The following BOD1L1 variants were observed in gnomAD, a reference collection of about 807,000 sequenced individuals.
BOD1L1 encodes biorientation of chromosomes in cell division protein 1-like 1.
Under a neutral mutation model 240.7 loss-of-function variants are expected in BOD1L1, and 86 were observed. The ratio of observed to expected loss-of-function variants is 0.36; its 90% CI spans 0.30 to 0.43. The LOEUF is 0.43. Ranked by LOEUF, BOD1L1 falls within the 20% of genes least tolerant of loss-of-function variation. BOD1L1 has a pLI of 1.00. For synonymous variants in BOD1L1, 1,268 were observed against 1,272.3 expected (o/e 1.00, Z 0.07); for missense variants, 3,554 against 3,643.5 (o/e 0.98, Z 0.63).
rs182037459 is a variant in BOD1L1 at position 13,574,956 on chromosome 4, G to C, written c.9038+1882C>G. On this transcript the variant is annotated intron_variant, in intron 25 of 25. Coordinates refer to ENST00000040738, the MANE Select transcript of BOD1L1 (RefSeq NM_148894.3). ...TTTTTGAGACGGGGAGTCTCACTCT[G>C]TCACCCAGGCTGGAGTGCAATGGCG... Among the ~76,000 whole-genome samples the C allele has an allele frequency of 1.6e-4, 24 of 149,640 alleles. No homozygotes were observed. In the East Asian group the frequency reaches 4.7e-3, roughly 29 times the overall value.
intron 9 of BOD1L1, among the ~76,000 whole-genome samples, 163 bp from the exon 10 acceptor site, chr4:13,605,247 T>A (rs1321788110): frequency 6.6e-6 from 1 of 152,122 alleles, no homozygotes; most frequent in Non-Finnish European, 1.5e-5. Flanking sequence ...CACCTGATTT[T>A]AAAAAATAAG....
Position 13,599,778 on chromosome 4 carries a change from G to T in BOD1L1, c.7122C>A (p.Pro2374=). ...SATEVSKHKV[P]MPSLIAENNC... Reference sequence around the variant, plus strand: ...TATTCTCAGCAATTAGGCTGGGCATGGGGACCTTGTGCTTGCTCACTTCTG... The same window carrying T: ...TATTCTCAGCAATTAGGCTGGGCATTGGGACCTTGTGCTTGCTCACTTCTG... The change falls in exon 10 of 26, where the codon CCC becomes CCA. Residue 2374 remains proline (P), a synonymous_variant. Transcript: ENST00000040738. 6.2e-7 allele frequency: 1 copy of T among 1,614,028 alleles called. No homozygotes were observed. Among genetic ancestry groups the T allele is most frequent in the Non-Finnish European group, 8.5e-7 (1 of 1,179,900 alleles).
At chr4:13,620,224 G>A (rs1443215681) in intron 1 of BOD1L1, among the ~76,000 whole-genome samples, 157 bp from the exon 2 acceptor site, 1 of 152,168 alleles carries the variant, frequency 6.6e-6, no homozygotes, top group East Asian at 1.9e-4. Flanking sequence ...CTTATTTTGT[G>A]TAAGACAAGG....
chr4:13,603,403 T>G lies in BOD1L1; in HGVS notation c.3497A>C (p.Glu1166Ala). Reference sequence around the variant, plus strand: ...TGAATCTGCTGTGCAAGTTCTCAATTCATCCTTTTGAACAGTGGCAGAAGT... The same window carrying G: ...TGAATCTGCTGTGCAAGTTCTCAATGCATCCTTTTGAACAGTGGCAGAAGT... ...QKTSATVQKD[E>A]LRTCTADSKA... Residue 1166 changes from glutamate (E) to alanine (A), a missense_variant, in exon 10 of 26, where the codon GAA becomes GCA. Glu to Ala is a moderately radical substitution (Grantham distance 107, BLOSUM62 -1). Coordinates refer to ENST00000040738, the MANE Select transcript of BOD1L1 (RefSeq NM_148894.3). The G allele has an allele frequency of 6.2e-7, 1 of 1,613,948 alleles. No individual in the cohort carries two copies. Among genetic ancestry groups the G allele is most frequent in the Non-Finnish European group, 8.5e-7 (1 of 1,179,874 alleles).
intron 2 of BOD1L1, 133 bp from the exon 3 acceptor site, chr4:13,615,635 C>T: frequency 1.2e-6 from 1 of 840,188 alleles, no homozygotes; most frequent in Non-Finnish European, 1.8e-6. Flanking sequence ...AATCCATTTA[C>T]TTGGATATAG....
intron 25 of BOD1L1, among the ~76,000 whole-genome samples, chr4:13,571,007 C>T (rs1193880184): frequency 6.6e-6 from 1 of 152,146 alleles, no homozygotes; most frequent in Non-Finnish European, 1.5e-5. Context: ...TAGGACACAA[C>T]AGAAAATACC....
At chr4:13,582,338 T>C in intron 18 of BOD1L1, 28 bp from the exon 19 acceptor site, 4 of 1,586,702 alleles carry the variant, frequency 2.5e-6, no homozygotes, top group Middle Eastern at 3.3e-4. Flanking sequence ...CTTTGTTCAA[T>C]GCTAGTGACC....
intron 17 of BOD1L1, among the ~76,000 whole-genome samples, chr4:13,584,142 G>A (rs909093310): frequency 2.6e-5 from 4 of 152,162 alleles, no homozygotes; most frequent in African/African-American, 7.2e-5. Context: ...TATATAAATC[G>A]TGGTTCTACC....
At chr4:13,580,145 C>A in intron 21 of BOD1L1, 172 bp from the exon 22 acceptor site, 2 of 563,430 alleles carry the variant, frequency 3.5e-6, no homozygotes, top group Non-Finnish European at 6.2e-6. Flanking sequence ...GATGCCTGAG[C>A]TTCTAAATAC....
intron 13 of BOD1L1, 80 bp downstream of exon 13, chr4:13,591,843 C>G: frequency 1.2e-3 from 1,161 of 1,001,264 alleles, no homozygotes; most frequent in Non-Finnish European, 1.6e-3. Context: ...CTTCAGATGG[C>G]TCCTCCTCAA....
chr4:13,592,055 A>C, intron 12 of BOD1L1, 89 bp from the exon 13 acceptor site: 41 of 949,986 alleles, frequency 4.3e-5, no homozygotes, highest in Non-Finnish European at 6.1e-5. Context: ...AGGATAGGGA[A>C]CCTATCCTAT....
chr4:13,571,930 C>T (rs912812093), intron 25 of BOD1L1, among the ~76,000 whole-genome samples: 3 of 152,168 alleles, frequency 2.0e-5, no homozygotes, highest in African/African-American at 7.2e-5. Context: ...GTGCGGAAAA[C>T]AGCACATACA....
intron 12 of BOD1L1, among the ~76,000 whole-genome samples, chr4:13,594,193 T>C (rs922101928): frequency 7.3e-5 from 11 of 151,708 alleles, no homozygotes; most frequent in African/African-American, 2.7e-4. Context: ...GCCTATAGAG[T>C]TTTTTGTTAT....
chr4:13,603,060 G>A lies in BOD1L1; in HGVS notation c.3840C>T (p.Ser1280=), dbSNP rs748908136. ...ATLEHSTNLD[S]SPSLSSVTVV... is the part of the protein sequence containing the mutation. ...CAGTCACTGAACTTAAGGATGGTGA[G>A]GAGTCTAAATTTGTGGAATGTTCAA... The change falls in exon 10 of 26, where the codon TCC becomes TCT. Residue 1280 remains serine, a synonymous_variant. Transcript: ENST00000040738. 1.2e-6 allele frequency: 2 copies of A among 1,613,826 alleles called. No individual in the cohort carries two copies. Among genetic ancestry groups the A allele is most frequent in the South Asian group, 1.1e-5 (1 of 91,074 alleles).
intron 12 of BOD1L1, among the ~76,000 whole-genome samples, chr4:13,594,764 G>A (rs1358430586): frequency 1.3e-5 from 2 of 152,050 alleles, no homozygotes; most frequent in Non-Finnish European, 2.9e-5. Flanking sequence ...GCATGGTGGT[G>A]TGTGCCTGTA....
At chr4:13,573,527 TTC>T (rs1486656523) in intron 25 of BOD1L1, among the ~76,000 whole-genome samples, 2 of 147,722 alleles carry the variant, frequency 1.4e-5, no homozygotes, top group African/African-American at 5.3e-5. Flanking sequence ...CTATCTTTCT[TTC>T]TTTCTTTCTT....
chr4:13,608,161 A>C (rs1347119294), intron 8 of BOD1L1, among the ~76,000 whole-genome samples: 1 of 152,204 alleles, frequency 6.6e-6, no homozygotes, highest in Non-Finnish European at 1.5e-5. Context: ...TGGAAATAAT[A>C]ATTGAAAATA....
In BOD1L1 at chr4:13,604,398, T is replaced by C. The variant is rs369891675; in HGVS notation, c.2502A>G (p.Glu834=). 3 of 1,578,012 alleles carry C rather than the reference T, an allele frequency of 1.9e-6. No individual in the cohort carries two copies. Among genetic ancestry groups the C allele is most frequent in the South Asian group, 2.4e-5 (2 of 83,170 alleles). ...TTGATTTGTGCTCTGCCTTAGTTTT[T>C]TCAGCTGACAAGCGTCTCTCTTTTT... ...NNKKERRLSA[E]KTKAEHKSRR... Residue 834 remains glutamate (E), a synonymous_variant, in exon 10 of 26, where the codon GAA becomes GAG. Coordinates refer to ENST00000040738, the MANE Select transcript of BOD1L1 (RefSeq NM_148894.3).
In BOD1L1 at chr4:13,595,881, C is replaced by G. The variant is rs761982440; in HGVS notation, c.8083G>C (p.Gly2695Arg). ...EILAPPESLCGGKPSGIAELQ... is the reference protein window; with the variant it reads ...EILAPPESLCRGKPSGIAELQ... The stretch of plus-strand genomic sequence containing the variant: ...TCACCTATTCCACTTGGCTTTCCCC[C>G]ACACAGACTTTCTGGTGGTGCCAGA... The change falls in exon 12 of 26, where the codon GGG becomes CGG. Residue 2695 changes from glycine (G) to arginine (R), a missense_variant. Around this residue, in one of 2 missense-constraint regions of BOD1L1, gnomAD observed 3,393 missense variants for 3,427.1 expected, o/e 0.99. Coordinates refer to ENST00000040738, the MANE Select transcript of BOD1L1 (RefSeq NM_148894.3). The G allele has an allele frequency of 6.2e-7, 1 of 1,613,764 alleles. No individual in the cohort carries two copies. The highest frequency in any genetic ancestry group is 1.1e-5 in the South Asian group (1 of 91,068).
Sources: allele counts gnomAD v4.1 joint callset (sites outside exome capture counted in the v4.1 genomes callset), GRCh38; gene constraint gnomAD v4.1.1; regional missense constraint gnomAD v4.1.1; transcripts MANE v1.5; gene names NCBI Gene and HGNC (gene_info 2026-07-23, HGNC 2026-07-21).